Variants in PVALEF observed in about 807,000 individuals in gnomAD.
The protein encoded by PVALEF is parvalbumin like EF-hand containing, also known as parvalbumin-like EF-hand-containing protein.
In PVALEF, 2 loss-of-function variants were observed where a neutral mutation model predicts 1.2. The ratio of observed to expected loss-of-function variants is 1.68; its 90% confidence interval spans 0.69 to 5.28. The LOEUF (loss-of-function observed/expected upper bound fraction) is 5.28, where lower values mean the gene tolerates loss of function less well. PVALEF is among the 30% of genes most tolerant of loss of function. The pLI is 0.06. For synonymous variants in PVALEF, 16 were observed against 6.5 expected, an observed-to-expected ratio of 2.47 and a Z score of -2.24; for missense variants, 35 against 17.7, an observed-to-expected ratio of 1.97 and a Z score of -1.75.
intron 2 of PVALEF, among the ~76,000 whole-genome samples, chr17:81,173,716 C>T (rs80130140): frequency 0.011 from 1,669 of 152,270 alleles, 48 homozygotes; most frequent in African/African-American, 0.038. Flanking sequence ...GTTTCACTGG[C>T]GAATGCCACC....
intron 6 of PVALEF, 146 bp downstream of exon 6, chr17:81,182,227 G>C: frequency 1.0e-5 from 4 of 396,398 alleles, no homozygotes; most frequent in Middle Eastern, 6.3e-4. Flanking sequence ...GGGAGTCTAG[G>C]TGCTCTTCCC....
At chr17:81,182,715 C>T (rs1438498565) in intron 6 of PVALEF, among the ~76,000 whole-genome samples, 5 of 152,242 alleles carry the variant, frequency 3.3e-5, no homozygotes, top group Non-Finnish European at 7.3e-5. Context: ...CCACTGCAAG[C>T]CCCCAGTCCC....
intron 6 of PVALEF, among the ~76,000 whole-genome samples, chr17:81,182,423 G>A (rs2061557919): frequency 6.6e-6 from 1 of 152,220 alleles, no homozygotes; most frequent in Admixed American, 6.5e-5. Context: ...CCCAGTGGCT[G>A]GCCACAGGCC....
At chr17:81,182,814 G>A (rs138390007) in intron 6 of PVALEF, among the ~76,000 whole-genome samples, 151 bp from the exon 7 acceptor site, 1,743 of 152,356 alleles carry the variant, frequency 0.011, 15 homozygotes, top group Middle Eastern at 0.034. Context: ...TGGGCTGGAG[G>A]CCTGGTCCCT....
intron 2 of PVALEF, among the ~76,000 whole-genome samples, chr17:81,176,391 T>C (rs1187139000): frequency 6.6e-6 from 1 of 152,100 alleles, no homozygotes; most frequent in Non-Finnish European, 1.5e-5. Context: ...TGGTGGCACA[T>C]GCCTGTAATC....
chr17:81,173,786 C>T (rs565618868), intron 2 of PVALEF, among the ~76,000 whole-genome samples: 1 of 152,258 alleles, frequency 6.6e-6, no homozygotes, highest in Non-Finnish European at 1.5e-5. Flanking sequence ...TGAATTCAGC[C>T]ACTCCTAACT....
rs1310575432 is a variant in PVALEF, at chr17:81,182,027, G to A, written c.304G>A (p.Glu102Lys). Residue 102 changes from glutamate to lysine, a missense_variant, in exon 6 of 7, where the codon GAG becomes AAG. Glu to Lys is a moderately conservative substitution (Grantham distance 56, BLOSUM62 1). Coordinates refer to ENST00000637878, the MANE Select transcript of PVALEF (RefSeq NM_001354639.2). Reference sequence around the variant, plus strand: ...CACCCCGCTGACAGACGAGGAGGCCGAGGCCATGATCCAGGCGGCAGACAC... The same window carrying A: ...CACCCCGCTGACAGACGAGGAGGCCAAGGCCATGATCCAGGCGGCAGACAC... ...PTTPLTDEEA[E>K]AMIQAADTHG... is the part of the protein sequence containing the mutation. The A allele has an allele frequency of 5.0e-6, 2 of 398,818 alleles. No individual in the cohort carries two copies. Among genetic ancestry groups the A allele is most frequent in the Non-Finnish European group, 8.8e-6 (2 of 226,208 alleles). 24.7% of individuals were successfully genotyped at this position (398,818 alleles called of 1,614,324 possible). A position where few individuals can be genotyped will look rare whatever the true frequency, so the allele number is the denominator to read the frequency against.
chr17:81,174,410 CCT>C (rs1490287774), intron 2 of PVALEF, among the ~76,000 whole-genome samples: 24 of 149,902 alleles, frequency 1.6e-4, no homozygotes, highest in East Asian at 1.2e-3. Flanking sequence ...AGGTGGATCA[CCT>C]GAGGTCAGGA....
At chr17:81,170,242 GGTGT>G (rs951019778) in intron 2 of PVALEF, among the ~76,000 whole-genome samples, 2 of 150,824 alleles carry the variant, frequency 1.3e-5, no homozygotes, top group Non-Finnish European at 3.0e-5. Context: ...TGTGTACACA[GGTGT>G]GTGTGCATGT....
chr17:81,165,652 GC>G lies in PVALEF; in HGVS notation c.-600del. On this transcript the variant is annotated 5_prime_UTR_variant, in exon 1 of 7. The change creates a premature stop within an existing upstream ORF in the 5' untranslated region. Transcript: ENST00000637878. ...AGACCAACTCTCCTGGACACCAGGG[GC>G]CCACGCAGGCCCTCCGTGCCCCAGT... 6.7e-7 allele frequency: 1 copy of G among 1,489,168 alleles called. No homozygotes were observed. The highest frequency in any genetic ancestry group is 9.0e-7 in the Non-Finnish European group (1 of 1,117,090). The allele number at this position is 1,489,168 out of a possible 1,614,324, so 92.2% of individuals were successfully genotyped here. A position where few individuals can be genotyped will look rare whatever the true frequency, so the allele number is the denominator to read the frequency against.
At chr17:81,179,643 G>C (rs2061546973) in intron 3 of PVALEF, among the ~76,000 whole-genome samples, 1 of 152,184 alleles carries the variant, frequency 6.6e-6, no homozygotes, top group Non-Finnish European at 1.5e-5. Flanking sequence ...CCCTGACCCA[G>C]AGGGACCCCA....
At chr17:81,169,326 G>C (rs867674168) in intron 2 of PVALEF, among the ~76,000 whole-genome samples, 1 of 152,040 alleles carries the variant, frequency 6.6e-6, no homozygotes, top group Non-Finnish European at 1.5e-5. Flanking sequence ...TCGGCCGGGC[G>C]CAGTGGCTCA....
Position 81,165,675 on chromosome 17 carries a change from C to T in PVALEF, c.-580C>T. 7 of 1,510,710 alleles carry T rather than the reference C, an allele frequency of 4.6e-6. No homozygotes were observed. Among genetic ancestry groups the T allele is most frequent in the Non-Finnish European group, 5.3e-6 (6 of 1,130,760 alleles). 93.6% of individuals were successfully genotyped at this position (1,510,710 alleles called of 1,614,324 possible). Reference sequence around the variant, plus strand: ...GGGCCCACGCAGGCCCTCCGTGCCCCAGTTACCTGTGCCCTGGAGGCAGCC... The same window carrying T: ...GGGCCCACGCAGGCCCTCCGTGCCCTAGTTACCTGTGCCCTGGAGGCAGCC... On this transcript the variant is annotated 5_prime_UTR_variant, in exon 1 of 7. It introduces an in-frame stop codon into an upstream open reading frame of the 5' UTR. Coordinates refer to ENST00000637878, the MANE Select transcript of PVALEF (RefSeq NM_001354639.2).
rs994895961 is a variant in PVALEF, at chr17:81,181,157, C to A, written c.-70C>A. On this transcript the variant is annotated 5_prime_UTR_variant, in exon 4 of 7. It adds an upstream start codon to the 5' untranslated region. Coordinates refer to ENST00000637878, the MANE Select transcript of PVALEF (RefSeq NM_001354639.2). ...GCACCACGCGGCGTCTACGTCTGCT[C>A]TGGCCCAAGCAGCACCCCCAATCCG... is the stretch of plus-strand genomic sequence containing the variant. 4 of 696,994 alleles carry A rather than the reference C, an allele frequency of 5.7e-6. No homozygotes were observed. Among genetic ancestry groups the A allele is most frequent in the Admixed American group, 4.0e-5 (2 of 49,438 alleles). 43.2% of individuals were successfully genotyped at this position (696,994 alleles called of 1,614,324 possible). A position where few individuals can be genotyped will look rare whatever the true frequency, so the allele number is the denominator to read the frequency against.
rs9915833 is a variant in PVALEF at position 81,177,750 on chromosome 17, A to C, written c.-339-1168A>C. On this transcript the variant is annotated intron_variant, in intron 2 of 6. Transcript: ENST00000637878. ...CCACCGTGTTCATCTACATATTCCAAATGTTCTGTAATAAACCTGATTGCT... is the reference window on the plus strand; with the variant it reads ...CCACCGTGTTCATCTACATATTCCACATGTTCTGTAATAAACCTGATTGCT... Among the ~76,000 whole-genome samples, 245 of 152,308 alleles carry C rather than the reference A, an allele frequency of 1.6e-3. 1 individual carries two copies. Among genetic ancestry groups the C allele is most frequent in the African/African-American group, 5.8e-3 (239 of 41,556 alleles).
intron 2 of PVALEF, among the ~76,000 whole-genome samples, chr17:81,177,118 G>A (rs1416446663): frequency 6.6e-6 from 1 of 150,832 alleles, no homozygotes. Context: ...GTAGAGACAG[G>A]GTTTCACCAT....
At chr17:81,167,902 C>T (rs1185041968) in intron 2 of PVALEF, among the ~76,000 whole-genome samples, 1 of 152,244 alleles carries the variant, frequency 6.6e-6, no homozygotes, top group Non-Finnish European at 1.5e-5. Flanking sequence ...CAGTCTGTGT[C>T]TTCAGGGAGC....
intron 5 of PVALEF, 77 bp from the exon 6 acceptor site, chr17:81,181,889 G>A: frequency 2.5e-6 from 1 of 398,256 alleles, no homozygotes; most frequent in Non-Finnish European, 4.4e-6. Context: ...CCTACAAGGT[G>A]GGGGGCGAAC....
At chr17:81,172,713 G>C (rs1031929196) in intron 2 of PVALEF, among the ~76,000 whole-genome samples, 1 of 152,072 alleles carries the variant, frequency 6.6e-6, no homozygotes, top group African/African-American at 2.4e-5. Flanking sequence ...GCAGTGAGCC[G>C]AGACCGCGAC....
Sources: gnomAD v4.1 joint callset for allele counts (sites outside exome capture counted in the v4.1 genomes callset) on GRCh38, gnomAD v4.1.1 for gene constraint, MANE v1.5 for transcripts, NCBI Gene and HGNC (gene_info 2026-07-23, HGNC 2026-07-21) for gene names.